The following INSC variants were observed in gnomAD, a reference collection of about 807,000 sequenced individuals.
INSC encodes INSC spindle orientation adaptor protein, also known as protein inscuteable homolog.
A neutral mutation model predicts 58.6 loss-of-function variants in INSC; 67 were observed. That is an observed-to-expected ratio of 1.14 (90% confidence interval 0.94 to 1.40). The LOEUF (loss-of-function observed/expected upper bound fraction) is 1.40. Ranked by LOEUF, INSC falls within the 40% of genes most tolerant of loss-of-function variation. The pLI, the probability that INSC is intolerant of heterozygous loss-of-function variation, is 0.00. For synonymous variants in INSC, 262 were observed against 276.1 expected (o/e 0.95, Z 0.51); for missense variants, 714 against 692.0 (o/e 1.03, Z -0.36).
At chr11:15,187,471 A>G (rs1850011825) in intron 5 of INSC, among the ~76,000 whole-genome samples, 1 of 152,158 alleles carries the variant, frequency 6.6e-6, no homozygotes, top group Admixed American at 6.5e-5. Context: ...TTCCATCCAA[A>G]ACTTTAGGGA....
At chr11:15,244,734 TCA>T (rs1852494173) in intron 12 of INSC, among the ~76,000 whole-genome samples, 1 of 152,140 alleles carries the variant, frequency 6.6e-6, no homozygotes, top group African/African-American at 2.4e-5. Context: ...GGGGAGATTC[TCA>T]GTGTTTGCAT....
chr11:15,190,780 A>G lies in INSC; in HGVS notation c.659A>G (p.Gln220Arg), dbSNP rs755722486. Residue 220 changes from glutamine (Q) to arginine (R), a missense_variant, in exon 6 of 13, where the codon CAG becomes CGG. By Grantham distance (43) the Gln-to-Arg change is conservative (BLOSUM62 1). Coordinates refer to ENST00000379556, the MANE Select transcript of INSC (RefSeq NM_001042536.3). ...ACAGGGAACCTGTTCAGCCTGACCC[A>G]GGAGGGGGCTCCCTTGTGCCGCATC... Reference protein sequence around the residue: ...STTGNLFSLTQEGAPLCRIIA... With the variant: ...STTGNLFSLTREGAPLCRIIA... The G allele has an allele frequency of 3.1e-6, 5 of 1,613,752 alleles. No individual in the cohort carries two copies. Among genetic ancestry groups the G allele is most frequent in the Non-Finnish European group, 4.2e-6 (5 of 1,179,772 alleles).
chr11:15,135,239 G>A lies in INSC; in HGVS notation c.-45-13891G>A, dbSNP rs554210456. 5.5e-4 allele frequency among the ~76,000 whole-genome samples: 83 copies of A among 152,284 alleles called. 1 individual carries two copies. In the South Asian group the frequency reaches 0.017, roughly 30 times the overall value. ...TGGTGGAAAGATTAACATTTATTGGGCTCCTACTCTGTGTTAGACACTGTG... is the reference window on the plus strand; with the variant it reads ...TGGTGGAAAGATTAACATTTATTGGACTCCTACTCTGTGTTAGACACTGTG... On this transcript the variant is annotated intron_variant, in intron 1 of 12. Coordinates refer to ENST00000379556, the MANE Select transcript of INSC (RefSeq NM_001042536.3).
chr11:15,165,091 C>G (rs529761994), intron 2 of INSC, among the ~76,000 whole-genome samples: 1 of 152,160 alleles, frequency 6.6e-6, no homozygotes, highest in Non-Finnish European at 1.5e-5. Flanking sequence ...TTTGTCCCCA[C>G]TTGCTGGTAT....
rs57120673 is a variant in INSC at position 15,200,153 on chromosome 11, TCACACACACACACACA to T, written c.694-648_694-633del. Among the ~76,000 whole-genome samples the T allele has an allele frequency of 1.1e-4, 16 of 146,938 alleles. No homozygotes were observed. The East Asian group carries it at 1.8e-3, about 17-fold the overall frequency. On this transcript the variant is annotated intron_variant, in intron 6 of 12. Coordinates refer to ENST00000379556, the MANE Select transcript of INSC (RefSeq NM_001042536.3). The stretch of plus-strand genomic sequence containing the variant: ...GATGATTGTTTTTAAAAGGGTTATA[TCACACACACACACACA>T]CACACACACACACACACACACAAAC...
At chr11:15,120,441 G>A (rs1351150665) in intron 1 of INSC, among the ~76,000 whole-genome samples, 1 of 152,214 alleles carries the variant, frequency 6.6e-6, no homozygotes, top group Non-Finnish European at 1.5e-5. Context: ...GGGGCAGTCA[G>A]AAAGGCCTTC....
intron 2 of INSC, among the ~76,000 whole-genome samples, chr11:15,172,861 C>T (rs1849446346): frequency 6.6e-6 from 1 of 151,662 alleles, no homozygotes; most frequent in South Asian, 2.1e-4. Context: ...CGGAAGCTCT[C>T]TCATCTTAGC....
rs545898376 is a variant in INSC, at chr11:15,198,441, A to G, written c.694-2383A>G. 3.3e-5 allele frequency among the ~76,000 whole-genome samples: 5 copies of G among 152,224 alleles called. No individual in the cohort carries two copies. In the South Asian group the frequency reaches 1.0e-3, roughly 31 times the overall value. ...TGCAAATGCATGCAGAGGCTTAAAT[A>G]TAGTTGTGCTGGGCTCAGTGCCTCC... On this transcript the variant is annotated intron_variant, in intron 6 of 12. Transcript: ENST00000379556.
chr11:15,265,539 C>T, the INSC span, among the ~76,000 whole-genome samples: 18 of 150,112 alleles, frequency 1.2e-4, no homozygotes, highest in Non-Finnish European at 2.4e-4. Context: ...TATTTTAATT[C>T]GTGTTTCAAT....
At chr11:15,176,190 G>A in intron 3 of INSC, 104 bp downstream of exon 3, 1 of 931,644 alleles carries the variant, frequency 1.1e-6, no homozygotes, top group Non-Finnish European at 1.6e-6. Context: ...TGCTCCAGAA[G>A]CCTTTCTCCC....
intron 2 of INSC, among the ~76,000 whole-genome samples, chr11:15,157,968 A>G (rs927107648): frequency 1.4e-4 from 21 of 152,122 alleles, no homozygotes; most frequent in Admixed American, 1.3e-4. Flanking sequence ...TGTGTTTCCT[A>G]TCTCAGCGAG....
intron 7 of INSC, among the ~76,000 whole-genome samples, chr11:15,206,598 C>A (rs1005506867): frequency 1.3e-5 from 2 of 152,126 alleles, no homozygotes; most frequent in African/African-American, 4.8e-5. Flanking sequence ...ATGAACCCAG[C>A]CTGGTCAGGG....
chr11:15,124,785 A>G (rs1046659320), intron 1 of INSC, among the ~76,000 whole-genome samples: 1 of 152,204 alleles, frequency 6.6e-6, no homozygotes, highest in Admixed American at 6.5e-5. Flanking sequence ...TTGAGCAGGC[A>G]TAGGACAATG....
At chr11:15,235,746 C>G in intron 10 of INSC, 78 bp downstream of exon 10, 2 of 1,205,188 alleles carry the variant, frequency 1.7e-6, no homozygotes, top group Non-Finnish European at 2.5e-6. Context: ...TGTGTGAATG[C>G]CTGTGCAGGT....
intron 2 of INSC, among the ~76,000 whole-genome samples, chr11:15,172,047 C>T (rs1291909176): frequency 6.6e-6 from 1 of 152,144 alleles, no homozygotes; most frequent in Non-Finnish European, 1.5e-5. Flanking sequence ...AAAACTGCAG[C>T]CTGGGTAGCC....
intron 7 of INSC, among the ~76,000 whole-genome samples, chr11:15,212,045 C>G (rs1286612373): frequency 6.6e-6 from 1 of 151,994 alleles, no homozygotes; most frequent in African/African-American, 2.4e-5. Flanking sequence ...TGTCAATGTC[C>G]ACAAAAATAC....
At position 15,225,763 on chromosome 11, in the gene INSC, A is replaced by G. The variant is rs368157409; in HGVS notation, c.1105A>G (p.Ile369Val). The stretch of plus-strand genomic sequence containing the variant: ...CGAGATGCTCCTGCAGTTGAATGCC[A>G]TCCGTGTTCTCCTGGAAGCCTGCAG... The part of the protein sequence containing the change: ...ACEMLLQLNA[I>V]RVLLEACSDK... Residue 369 changes from isoleucine (I) to valine (V), a missense_variant, in exon 9 of 13, where the codon ATC (isoleucine) becomes GTC (valine). Ile to Val is a conservative substitution (Grantham distance 29). Coordinates refer to ENST00000379556, the MANE Select transcript of INSC (RefSeq NM_001042536.3). 97 of 1,613,910 alleles carry G rather than the reference A, an allele frequency of 6.0e-5. No homozygotes were observed. Among genetic ancestry groups the G allele is most frequent in the Middle Eastern group, 1.6e-4 (1 of 6,084 alleles).
At chr11:15,201,033 T>C (rs975827733) in intron 7 of INSC, 84 bp downstream of exon 7, 37 of 1,485,714 alleles carry the variant, frequency 2.5e-5, no homozygotes, top group Admixed American at 4.2e-5. Flanking sequence ...CATCTGTTCC[T>C]TTTCATGGAC....
intron 1 of INSC, among the ~76,000 whole-genome samples, chr11:15,122,378 G>T (rs553606662): frequency 6.6e-6 from 1 of 152,122 alleles, no homozygotes; most frequent in Non-Finnish European, 1.5e-5. Context: ...AACTAAGTTC[G>T]AATGAAGAGG....
Sources: allele counts gnomAD v4.1 joint callset (sites outside exome capture counted in the v4.1 genomes callset), GRCh38; gene constraint gnomAD v4.1.1; transcripts MANE v1.5; gene names NCBI Gene and HGNC (gene_info 2026-07-23, HGNC 2026-07-21).